RGS12: variants seen among roughly 807,000 people sequenced by gnomAD.
RGS12 encodes the protein regulator of G protein signaling 12.
A neutral mutation model predicts 120.1 loss-of-function variants in RGS12; 66 were observed. That is an observed-to-expected ratio of 0.55 (90% CI 0.45 to 0.67). The LOEUF is 0.67. Among genes scored for constraint, RGS12 ranks in the 30% least tolerant of loss-of-function variants. The pLI is 0.00. For missense variants in RGS12, 1,859 were observed against 1,957.7 expected (o/e 0.95, Z 0.95); for synonymous variants, 827 against 804.7 (o/e 1.03, Z -0.47).
chr4:3,400,245 A>G (rs1240300243), intron 4 of RGS12, among the ~76,000 whole-genome samples: 1 of 152,252 alleles, frequency 6.6e-6, no homozygotes, highest in Non-Finnish European at 1.5e-5. Flanking sequence ...AAGTTTGTAA[A>G]TAAAATAATT....
chr4:3,353,329 C>T (rs956343217), intron 3 of RGS12, among the ~76,000 whole-genome samples: 1 of 152,182 alleles, frequency 6.6e-6, no homozygotes, highest in Admixed American at 6.5e-5. Flanking sequence ...AGTGTGTGCA[C>T]ACTGCGTCCT....
At chr4:3,387,145 G>A (rs1718943438) in intron 4 of RGS12, among the ~76,000 whole-genome samples, 1 of 152,156 alleles carries the variant, frequency 6.6e-6, no homozygotes, top group Non-Finnish European at 1.5e-5. Context: ...GTCACCTCAC[G>A]CTTTTGTCCC....
chr4:3,374,476 C>T lies in RGS12; in HGVS notation c.1999-11940C>T, dbSNP rs1717416033. On this transcript the variant is annotated intron_variant, in intron 3 of 17. Coordinates refer to ENST00000336727, the MANE Select transcript of RGS12 (RefSeq NM_001394154.1). The surrounding 1 kb of genome is among the most constrained non-coding windows in gnomAD (Gnocchi z 6.3). The stretch of plus-strand genomic sequence containing the variant: ...ACACTTCTGCCCTGGGCCCCGGTCT[C>T]AGTGACAGGTCCACATCTTCTCACC... Among the ~76,000 whole-genome samples, 1 of 152,258 alleles carries T rather than the reference C, an allele frequency of 6.6e-6. No homozygotes were observed. The highest frequency in any genetic ancestry group is 6.5e-5 in the Admixed American group (1 of 15,302).
intron 3 of RGS12, among the ~76,000 whole-genome samples, chr4:3,344,133 T>G (rs1578779368): frequency 6.6e-6 from 1 of 152,200 alleles, no homozygotes; most frequent in Non-Finnish European, 1.5e-5. Flanking sequence ...CCACAGTGAC[T>G]GCTCCAGCTC....
At chr4:3,420,338 T>G (rs777200710) in intron 9 of RGS12, 5 of 475,758 alleles carry the variant, frequency 1.1e-5, no homozygotes, top group Admixed American at 3.5e-5. Flanking sequence ...CTGATGTGAT[T>G]TGTTGGGCAC....
chr4:3,415,935 G>T, intron 6 of RGS12, 43 bp from the exon 7 acceptor site: 2 of 1,571,310 alleles, frequency 1.3e-6, no homozygotes, highest in Non-Finnish European at 1.7e-6. Context: ...GGAGTGCGGG[G>T]AGAGGAAGCC....
At chr4:3,359,469 G>A (rs1359040023) in intron 3 of RGS12, among the ~76,000 whole-genome samples, 2 of 102,592 alleles carry the variant, frequency 1.9e-5, no homozygotes, top group African/African-American at 3.9e-5. Context: ...AAGAGTTTGA[G>A]AAGGATTGGT....
intron 2 of RGS12, among the ~76,000 whole-genome samples, chr4:3,340,981 T>C (rs1260867371): frequency 6.6e-6 from 1 of 151,898 alleles, no homozygotes; most frequent in African/African-American, 2.4e-5. Context: ...GCCTGCCGGC[T>C]GCCCTCTGCT....
At chr4:3,409,162 C>T (rs554996150) in intron 4 of RGS12, among the ~76,000 whole-genome samples, 2 of 152,286 alleles carry the variant, frequency 1.3e-5, no homozygotes, top group East Asian at 1.9e-4. Context: ...CCTCTGTACC[C>T]GAGGCTGTGC....
At chr4:3,359,615 TTTTTC>T (rs1715364492) in intron 3 of RGS12, among the ~76,000 whole-genome samples, 1 of 145,692 alleles carries the variant, frequency 6.9e-6, no homozygotes, top group African/African-American at 2.6e-5. Flanking sequence ...TTCTAGTTCT[TTTTTC>T]TTTTCTTTTT....
chr4:3,371,616 C>T (rs1420318706), intron 3 of RGS12, among the ~76,000 whole-genome samples: 1 of 152,110 alleles, frequency 6.6e-6, no homozygotes, highest in Non-Finnish European at 1.5e-5. Context: ...CTGATGTGGT[C>T]GTCAGGCATC....
At chr4:3,438,390 C>T (rs774120987) in intron 17 of RGS12, among the ~76,000 whole-genome samples, 1 of 143,140 alleles carries the variant, frequency 7.0e-6, no homozygotes, top group Admixed American at 6.9e-5. Flanking sequence ...GGTCACTGGG[C>T]GGGTCGGCAA....
chr4:3,377,111 A>G (rs1717786007), intron 3 of RGS12, among the ~76,000 whole-genome samples: 1 of 151,510 alleles, frequency 6.6e-6, no homozygotes, highest in Non-Finnish European at 1.5e-5. Flanking sequence ...TTCTTCCAGC[A>G]GGAAGGGACT....
chr4:3,297,453 G>A (rs1163944343), intron 1 of RGS12, among the ~76,000 whole-genome samples: 4 of 152,190 alleles, frequency 2.6e-5, no homozygotes, highest in Admixed American at 6.5e-5. Flanking sequence ...CCCAAAGGCC[G>A]TGGGGAGGTT....
chr4:3,430,380 C>A, intron 16 of RGS12, 27 bp from the exon 17 acceptor site: 1 of 1,582,026 alleles, frequency 6.3e-7, no homozygotes. Flanking sequence ...CTCTAAAACA[C>A]GGTCACTCTG....
At chr4:3,300,082 A>G (rs1256563441) in intron 1 of RGS12, among the ~76,000 whole-genome samples, 1 of 152,244 alleles carries the variant, frequency 6.6e-6, no homozygotes, top group Non-Finnish European at 1.5e-5. Context: ...GAAAACGGTT[A>G]GGAGCAGTGG....
intron 1 of RGS12, among the ~76,000 whole-genome samples, chr4:3,299,355 G>C (rs1723551743): frequency 6.6e-6 from 1 of 152,106 alleles, no homozygotes; most frequent in Non-Finnish European, 1.5e-5. Flanking sequence ...GACTCTTCAA[G>C]CTGGGAGGAT....
At chr4:3,368,610 CTGTG>C (rs1378894909) in intron 3 of RGS12, among the ~76,000 whole-genome samples, 1 of 79,192 alleles carries the variant, frequency 1.3e-5, no homozygotes, top group Admixed American at 1.9e-4. Context: ...GTGTGGGTAC[CTGTG>C]TGTGGGGGGG....
intron 4 of RGS12, among the ~76,000 whole-genome samples, chr4:3,406,786 C>T (rs753786673): frequency 2.6e-5 from 4 of 152,192 alleles, no homozygotes; most frequent in Non-Finnish European, 5.9e-5. Flanking sequence ...CACCCCACCT[C>T]GGAAAGGGAC....
Sources: allele counts gnomAD v4.1 joint callset (sites outside exome capture counted in the v4.1 genomes callset), GRCh38; gene constraint gnomAD v4.1.1; non-coding constraint Gnocchi (gnomAD v3.1); transcripts MANE v1.5; gene names NCBI Gene and HGNC (gene_info 2026-07-23, HGNC 2026-07-21).